ERBB4: variants seen among roughly 807,000 people sequenced by gnomAD.
The protein encoded by ERBB4 is erb-b2 receptor tyrosine kinase 4.
Under a neutral mutation model 158.0 loss-of-function variants are expected in ERBB4, and 42 were observed. The ratio of observed to expected loss-of-function variants is 0.27; its 90% confidence interval spans 0.21 to 0.34. The LOEUF is 0.34. Ranked by LOEUF, ERBB4 falls within the 10% of genes least tolerant of loss-of-function variation. ERBB4 has a pLI of 1.00. For missense variants in ERBB4, 1,333 were observed against 1,624.1 expected, an observed-to-expected ratio of 0.82 and a Z score of 3.08; for synonymous variants, 583 against 558.7, an observed-to-expected ratio of 1.04 and a Z score of -0.61.
intron 3 of ERBB4, among the ~76,000 whole-genome samples, chr2:211,884,396 G>A (rs1339030831): frequency 6.6e-6 from 1 of 152,080 alleles, no homozygotes; most frequent in Non-Finnish European, 1.5e-5. Flanking sequence ...CCCTGACTAT[G>A]AAAATGTACC....
intron 2 of ERBB4, among the ~76,000 whole-genome samples, chr2:211,982,731 G>A (rs1194241257): frequency 6.6e-6 from 1 of 152,098 alleles, no homozygotes; most frequent in Non-Finnish European, 1.5e-5. Flanking sequence ...ACTTCATAGA[G>A]GTCCAAGTTA....
chr2:212,046,627 G>A (rs1399894649), intron 2 of ERBB4, among the ~76,000 whole-genome samples: 1 of 152,124 alleles, frequency 6.6e-6, no homozygotes, highest in Non-Finnish European at 1.5e-5. Context: ...GTCTATTACA[G>A]TCCAGTGATT....
intron 1 of ERBB4, among the ~76,000 whole-genome samples, chr2:212,287,813 A>G (rs78529763): frequency 0.029 from 4,425 of 152,270 alleles, 77 homozygotes; most frequent in Non-Finnish European, 0.037. Context: ...CTAACATGAA[A>G]TACTTAACAT....
At chr2:212,121,255 G>A (rs780759010) in intron 2 of ERBB4, among the ~76,000 whole-genome samples, 22 of 152,250 alleles carry the variant, frequency 1.4e-4, no homozygotes, top group Admixed American at 3.9e-4. Context: ...TTTTTGAGAC[G>A]GAGTCTCGCT....
chr2:212,170,013 T>A (rs1240796317), intron 1 of ERBB4, among the ~76,000 whole-genome samples: 1 of 152,080 alleles, frequency 6.6e-6, no homozygotes, highest in Non-Finnish European at 1.5e-5. Flanking sequence ...AGGAGAGAGG[T>A]ACTGCTATAA....
chr2:211,461,373 T>C (rs2064526643), intron 20 of ERBB4, among the ~76,000 whole-genome samples: 1 of 151,874 alleles, frequency 6.6e-6, no homozygotes, highest in Non-Finnish European at 1.5e-5. Flanking sequence ...GGAAGAAAAA[T>C]AAAAATGGAC....
At chr2:212,212,983 A>G (rs1036104525) in intron 1 of ERBB4, among the ~76,000 whole-genome samples, 3 of 152,152 alleles carry the variant, frequency 2.0e-5, no homozygotes, top group Admixed American at 6.6e-5. Flanking sequence ...AAACCTAGGC[A>G]ATACCATTCA....
At chr2:211,992,770 C>G (rs373650781) in intron 2 of ERBB4, among the ~76,000 whole-genome samples, 120 of 152,248 alleles carry the variant, frequency 7.9e-4, no homozygotes, top group African/African-American at 2.7e-3. Flanking sequence ...TTTCCCTCAC[C>G]CCATGCCCCA....
intron 1 of ERBB4, among the ~76,000 whole-genome samples, chr2:212,416,473 T>C (rs1487269961): frequency 4.6e-5 from 7 of 152,232 alleles, no homozygotes; most frequent in African/African-American, 1.7e-4. Context: ...TATCTTTTCT[T>C]TTTATATTAA....
In ERBB4 at chr2:212,398,298, C is replaced by T. The variant is rs923162378; in HGVS notation, c.82+140151G>A. 2.0e-5 allele frequency among the ~76,000 whole-genome samples: 3 copies of T among 151,972 alleles called. No homozygotes were observed. The South Asian group carries it at 6.2e-4, about 32-fold the overall frequency. ...TCTCTTTATTCTTTTCTCTGGAGCA[C>T]ATATATGTGGTTTTTAAAATCAGGA... On this transcript the variant is annotated intron_variant, in intron 1 of 27. Transcript: ENST00000342788.
intron 1 of ERBB4, among the ~76,000 whole-genome samples, chr2:212,166,885 C>A (rs1037703978): frequency 6.6e-6 from 1 of 152,114 alleles, no homozygotes; most frequent in South Asian, 2.1e-4. Context: ...AACTGGCTAG[C>A]CATCTGCAGA....
intron 16 of ERBB4, among the ~76,000 whole-genome samples, chr2:211,632,074 G>A (rs2070159247): frequency 6.6e-6 from 1 of 151,944 alleles, no homozygotes; most frequent in Non-Finnish European, 1.5e-5. Flanking sequence ...ATATAAAACT[G>A]CAGAAAAATC....
chr2:212,207,003 A>G (rs2082783194), intron 1 of ERBB4, among the ~76,000 whole-genome samples: 1 of 152,084 alleles, frequency 6.6e-6, no homozygotes, highest in Non-Finnish European at 1.5e-5. Context: ...GTTTCAAAAA[A>G]AAAAAAAAAC....
chr2:212,179,921 A>G (rs1184898710), intron 1 of ERBB4, among the ~76,000 whole-genome samples: 1 of 151,678 alleles, frequency 6.6e-6, no homozygotes, highest in Non-Finnish European at 1.5e-5. Flanking sequence ...CTAATGGCAC[A>G]TGTGTGAGGA....
intron 1 of ERBB4, among the ~76,000 whole-genome samples, chr2:212,455,973 T>TC (rs1379372592): frequency 1.3e-5 from 2 of 151,982 alleles, no homozygotes; most frequent in Non-Finnish European, 2.9e-5. Context: ...AATGGCTTCT[T>TC]CCCCCAGCTG....
At chr2:211,711,212 C>T (rs1559445426) in intron 9 of ERBB4, among the ~76,000 whole-genome samples, 1 of 151,962 alleles carries the variant, frequency 6.6e-6, no homozygotes, top group Non-Finnish European at 1.5e-5. Context: ...ATTGTTCTTG[C>T]CATTCCTATT....
intron 3 of ERBB4, among the ~76,000 whole-genome samples, chr2:211,859,387 G>A (rs182163490): frequency 1.4e-3 from 211 of 152,112 alleles, no homozygotes; most frequent in African/African-American, 5.0e-3. Flanking sequence ...TCTAACCTTT[G>A]TCAAATTAGA....
intron 2 of ERBB4, among the ~76,000 whole-genome samples, chr2:212,004,442 G>A (rs1436359784): frequency 1.3e-5 from 2 of 152,154 alleles, no homozygotes; most frequent in Non-Finnish European, 2.9e-5. Context: ...GACACTGGAA[G>A]TTGTTTCAAA....
At chr2:211,917,471 A>C (rs932330741) in intron 3 of ERBB4, among the ~76,000 whole-genome samples, 2 of 152,164 alleles carry the variant, frequency 1.3e-5, no homozygotes, top group African/African-American at 4.8e-5. Flanking sequence ...TCATTACCAC[A>C]ACAGATGAAG....
Sources: allele counts gnomAD v4.1 joint callset (sites outside exome capture counted in the v4.1 genomes callset), GRCh38; gene constraint gnomAD v4.1.1; transcripts MANE v1.5; gene names NCBI Gene and HGNC (gene_info 2026-07-23, HGNC 2026-07-21).